Variants in MTERF4 observed in about 807,000 individuals in gnomAD.
MTERF4 encodes the protein transcription termination factor 4, mitochondrial.
A neutral mutation model predicts 22.5 loss-of-function variants in MTERF4; 17 were observed. That is an observed-to-expected ratio of 0.75 (90% confidence interval 0.52 to 1.13). The LOEUF is 1.13. MTERF4 is among the 50% of genes most tolerant of loss of function. The probability of loss-of-function intolerance (pLI) is 0.00; values close to 1 mark genes in which losing one functional copy is unlikely to be tolerated. For synonymous variants in MTERF4, 165 were observed against 175.3 expected (o/e 0.94, Z 0.47); for missense variants, 420 against 466.8 (o/e 0.90, Z 0.92).
downstream of MTERF4, chr2:241,088,488 G>A (rs898931023): frequency 8.2e-5 from 89 of 1,086,544 alleles, no homozygotes; most frequent in Non-Finnish European, 1.2e-4. Context: ...TCAGAGTGCC[G>A]CTGCCTGCTT....
chr2:241,065,498 G>A, the MTERF4 span: 56 of 1,612,814 alleles, frequency 3.5e-5, no homozygotes, highest in Non-Finnish European at 4.3e-5. Flanking sequence ...AGGCCCTGGC[G>A]GCCGGCAGGG....
At chr2:241,065,476 C>T in the MTERF4 span, 11 of 1,612,970 alleles carry the variant, frequency 6.8e-6, no homozygotes, top group Admixed American at 1.7e-5. Context: ...ACCCGCTCCT[C>T]GCACCAGCTC....
In MTERF4 at chr2:241,099,891, G is replaced by A. The variant is rs1211320386; in HGVS notation, c.25C>T (p.Leu9Phe). The A allele has an allele frequency of 6.2e-7, 1 of 1,611,050 alleles. No individual in the cohort carries two copies. The highest frequency in any genetic ancestry group is 8.5e-7 in the Non-Finnish European group (1 of 1,179,966). ...AGGGGGATCAGGCGGTGCCAATCAAGGACCTGTAAGACACAGGACCAAAAG... is the reference window on the plus strand; with the variant it reads ...AGGGGGATCAGGCGGTGCCAATCAAAGACCTGTAAGACACAGGACCAAAAG... MAAFGRQV[L>F]DWHRLIPLTW... Residue 9 changes from leucine (L) to phenylalanine (F), a missense_variant, in exon 2 of 4, where the codon CTT (leucine) becomes TTT (phenylalanine). Physicochemically the swap from Leu to Phe is conservative, Grantham distance 22. Coordinates refer to ENST00000391980, the MANE Select transcript of MTERF4 (RefSeq NM_182501.4).
the MTERF4 span, among the ~76,000 whole-genome samples, chr2:241,054,606 C>T: frequency 6.6e-6 from 1 of 152,062 alleles, no homozygotes; most frequent in Admixed American, 6.5e-5. Context: ...ATAAAATAAC[C>T]GTGACAAATT....
chr2:241,068,250 T>G (rs1479888040), downstream of MTERF4, among the ~76,000 whole-genome samples: 1 of 152,034 alleles, frequency 6.6e-6, no homozygotes, highest in Non-Finnish European at 1.5e-5. This position sits in a 1 kb window ranked among gnomAD's most constrained non-coding sequence, Gnocchi z 5.3. Context: ...TGAGAGTGAC[T>G]TGGCCCCTCA....
In MTERF4 at chr2:241,075,264, G is replaced by A. The variant is rs1435284243; in HGVS notation, n.898C>T. On this transcript the variant is annotated non_coding_transcript_exon_variant, in exon 5 of 5. Transcript: ENST00000464344. The surrounding 1 kb of genome is among the most constrained non-coding windows in gnomAD (Gnocchi z 4.8). ...AGTGGAAAAGCTGGATCTAGGATGA[G>A]GATGTGTGAATGCCCAAATTACATG... The A allele has an allele frequency of 6.6e-6, 1 of 152,216 alleles. No homozygotes were observed. Among genetic ancestry groups the A allele is most frequent in the Non-Finnish European group, 1.5e-5 (1 of 68,054 alleles). The allele number at this position is 152,216 out of a possible 1,614,324, so 9.4% of individuals were successfully genotyped here.
At chr2:241,051,867 C>A in the MTERF4 span, 9 of 1,531,172 alleles carry the variant, frequency 5.9e-6, no homozygotes, top group Non-Finnish European at 6.2e-6. The surrounding 1 kb of genome is among the most constrained non-coding windows in gnomAD (Gnocchi z 4.7). Flanking sequence ...ATCGGTGCGG[C>A]CCCCAGGGGC....
intron 2 of MTERF4, among the ~76,000 whole-genome samples, chr2:241,098,078 G>A (rs1168278733): frequency 6.6e-6 from 1 of 152,152 alleles, no homozygotes; most frequent in East Asian, 1.9e-4. Flanking sequence ...GGCCTTCCTA[G>A]GGATAGCTGA....
chr2:241,070,375 A>G (rs139742354), downstream of MTERF4, among the ~76,000 whole-genome samples: 759 of 152,350 alleles, frequency 5.0e-3, 3 homozygotes, highest in African/African-American at 0.017. Context: ...TCAAACCCAC[A>G]AGGAAAGGAA....
downstream of MTERF4, among the ~76,000 whole-genome samples, chr2:241,070,781 G>A (rs2062671199): frequency 6.6e-6 from 1 of 152,226 alleles, no homozygotes; most frequent in African/African-American, 2.4e-5. Flanking sequence ...CAAGTTCACA[G>A]AAGGAGCAGT....
At chr2:241,088,505 C>A, downstream of MTERF4, 1 of 962,036 alleles carries the variant, frequency 1.0e-6, no homozygotes, top group Non-Finnish European at 1.7e-6. Context: ...GCTTACTCAG[C>A]ACTGCTAAAG....
chr2:241,075,762 TCC>T lies in MTERF4; in HGVS notation n.480-82_480-81del, dbSNP rs2062989773. 6.6e-6 allele frequency: 1 copy of T among 152,106 alleles called. No homozygotes were observed. Among genetic ancestry groups the T allele is most frequent in the South Asian group, 2.1e-4 (1 of 4,806 alleles). The allele number at this position is 152,106 out of a possible 1,614,324, so 9.4% of individuals were successfully genotyped here. ...GGGAGCCTTCTTTAAAAAATATCCT[TCC>T]CCACACCAAAGTTAGAAAGTTATTC... On this transcript the variant is annotated intron_variant and non_coding_transcript_variant, in intron 4 of 4. Transcript: ENST00000464344. This position sits in a 1 kb window ranked among gnomAD's most constrained non-coding sequence, Gnocchi z 4.8.
the MTERF4 span, chr2:241,053,210 C>T: frequency 2.5e-6 from 4 of 1,609,168 alleles, no homozygotes; most frequent in African/African-American, 1.3e-5. Flanking sequence ...TTCAACGGCA[C>T]GCGGCTGGGC....
chr2:241,101,080 G>T, intron 1 of MTERF4: 1 of 445,758 alleles, frequency 2.2e-6, no homozygotes, highest in Non-Finnish European at 4.8e-6. Flanking sequence ...GTTTCAGGAT[G>T]ATTCAAGCAT....
the MTERF4 span, among the ~76,000 whole-genome samples, chr2:241,044,278 G>T: frequency 3.3e-5 from 5 of 152,162 alleles, no homozygotes; most frequent in African/African-American, 7.2e-5. Context: ...GAATTGAAAA[G>T]CAATACCCAA....
rs1414512901 is a variant in MTERF4, at chr2:241,102,249, T to G, written c.21+4A>C. Reference sequence around the variant, plus strand: ...AGAAGCCCGCGCGCCCAGCTCGAGCTTACCTGACGGCCGAACGCAGCCATA... The same window carrying G: ...AGAAGCCCGCGCGCCCAGCTCGAGCGTACCTGACGGCCGAACGCAGCCATA... On this transcript the variant is annotated splice_donor_region_variant and intron_variant, in intron 1 of 3. Coordinates refer to ENST00000391980, the MANE Select transcript of MTERF4 (RefSeq NM_182501.4). 1 of 1,549,364 alleles carries G rather than the reference T, an allele frequency of 6.5e-7. No homozygotes were observed. Among genetic ancestry groups the G allele is most frequent in the South Asian group, 1.2e-5 (1 of 84,038 alleles).
the MTERF4 span, chr2:241,048,662 G>A: frequency 6.2e-6 from 10 of 1,607,980 alleles, no homozygotes; most frequent in Admixed American, 1.7e-5. Context: ...TTCGTGGCAG[G>A]AGTCCCCGAT....
downstream of MTERF4, chr2:241,088,467 G>C (rs1304709137): frequency 1.3e-5 from 17 of 1,342,324 alleles, no homozygotes; most frequent in Non-Finnish European, 1.7e-5. Context: ...CGACTGCCCA[G>C]CCCCGGGATC....
exon 5 of MTERF4, chr2:241,074,028 G>C (rs1483849882): frequency 6.5e-6 from 1 of 152,758 alleles, no homozygotes; most frequent in Non-Finnish European, 1.5e-5. Context: ...CTAATCCTTT[G>C]GGGCTGTGTC....
Sources: gnomAD v4.1 joint callset for allele counts (sites outside exome capture counted in the v4.1 genomes callset) on GRCh38, gnomAD v4.1.1 for gene constraint, Gnocchi (gnomAD v3.1) non-coding constraint, MANE v1.5 for transcripts, NCBI Gene and HGNC (gene_info 2026-07-23, HGNC 2026-07-21) for gene names.